Variants in SORCS1 observed in about 807,000 individuals in gnomAD.
SORCS1 encodes VPS10 domain-containing receptor SorCS1.
SORCS1 carries 60 observed loss-of-function variants against 146.1 expected under a neutral mutation model. That is an observed-to-expected ratio of 0.41 (90% CI 0.33 to 0.51). SORCS1 has a LOEUF of 0.51. Ranked by LOEUF, SORCS1 falls within the 20% of genes least tolerant of loss-of-function variation. SORCS1 has a pLI of 0.21. For synonymous variants in SORCS1, 637 were observed against 584.0 expected (o/e 1.09, Z -1.31); for missense variants, 1,352 against 1,487.6 (o/e 0.91, Z 1.50).
At chr10:106,838,209 C>T (rs557030947) in intron 2 of SORCS1, among the ~76,000 whole-genome samples, 22 of 152,146 alleles carry the variant, frequency 1.4e-4, no homozygotes, top group Non-Finnish European at 2.8e-4. Flanking sequence ...TAAAATCAGC[C>T]GTGTGGAAAG....
At chr10:106,800,276 G>A (rs12255296) in intron 3 of SORCS1, among the ~76,000 whole-genome samples, 4,322 of 152,170 alleles carry the variant, frequency 0.028, 77 homozygotes, top group East Asian at 0.053. Flanking sequence ...AAAGTAATTG[G>A]TCATGTCCAT....
chr10:106,869,555 T>C (rs1950333452), intron 2 of SORCS1, among the ~76,000 whole-genome samples: 1 of 152,164 alleles, frequency 6.6e-6, no homozygotes, highest in Non-Finnish European at 1.5e-5. Context: ...AATCAATAAA[T>C]GTGATTCATC....
At chr10:107,047,345 A>G (rs955662031) in intron 1 of SORCS1, among the ~76,000 whole-genome samples, 4 of 152,160 alleles carry the variant, frequency 2.6e-5, no homozygotes, top group Non-Finnish European at 5.9e-5. Flanking sequence ...GTCATTAAAA[A>G]CAAAACTACC....
At chr10:106,894,266 TGTGC>T (rs1358237002) in intron 2 of SORCS1, among the ~76,000 whole-genome samples, 2 of 110,798 alleles carry the variant, frequency 1.8e-5, no homozygotes, top group Non-Finnish European at 3.8e-5. Flanking sequence ...CGCGCGCACG[TGTGC>T]GTGTGTGTGT....
chr10:106,833,957 C>CT (rs1200043292), intron 2 of SORCS1, among the ~76,000 whole-genome samples: 1 of 152,102 alleles, frequency 6.6e-6, no homozygotes, highest in Non-Finnish European at 1.5e-5. Context: ...CCATGCCCAG[C>CT]TAATGTTTTG....
At chr10:106,757,351 C>T (rs184794347) in intron 5 of SORCS1, among the ~76,000 whole-genome samples, 2 of 152,198 alleles carry the variant, frequency 1.3e-5, no homozygotes, top group East Asian at 1.9e-4. Context: ...CCCATACACA[C>T]CCCCAATAGC....
chr10:106,717,046 C>G (rs1036422978), intron 6 of SORCS1, among the ~76,000 whole-genome samples: 1 of 152,092 alleles, frequency 6.6e-6, no homozygotes, highest in Non-Finnish European at 1.5e-5. Context: ...TTAATTTTCC[C>G]TAATATTGTA....
intron 3 of SORCS1, among the ~76,000 whole-genome samples, chr10:106,822,011 G>T (rs1440747121): frequency 2.0e-5 from 3 of 152,080 alleles, no homozygotes; most frequent in Non-Finnish European, 2.9e-5. Flanking sequence ...GCAGATATGG[G>T]GGACAAGAAA....
intron 24 of SORCS1, among the ~76,000 whole-genome samples, chr10:106,582,351 T>C (rs1844972749): frequency 6.6e-6 from 1 of 152,098 alleles, no homozygotes; most frequent in Non-Finnish European, 1.5e-5. Flanking sequence ...CCATTCACCC[T>C]CCCCATCTCT....
intron 3 of SORCS1, among the ~76,000 whole-genome samples, chr10:106,810,006 C>A (rs1410993443): frequency 6.6e-6 from 1 of 152,104 alleles, no homozygotes; most frequent in Non-Finnish European, 1.5e-5. Flanking sequence ...GGATCACCTG[C>A]GGTCAGGGGT....
rs990136518 is a variant in SORCS1 at position 106,599,266 on chromosome 10, C to T, written c.3166-1816G>A. On this transcript the variant is annotated intron_variant, in intron 23 of 25. Transcript: ENST00000263054. ...CCTGTACTCCCAGTTACTTGGGAGG[C>T]TGAGGCCAGAAAAATCACTTGAACC... Among the ~76,000 whole-genome samples the T allele has an allele frequency of 2.0e-5, 3 of 151,732 alleles. No individual in the cohort carries two copies. The East Asian group carries it at 5.8e-4, about 29-fold the overall frequency.
At chr10:106,830,600 T>A (rs1369074602) in intron 2 of SORCS1, among the ~76,000 whole-genome samples, 2 of 146,280 alleles carry the variant, frequency 1.4e-5, no homozygotes, top group African/African-American at 5.2e-5. Flanking sequence ...TTTAAAAAAA[T>A]TTAAAGAATA....
At chr10:106,787,734 T>C (rs576968289) in intron 3 of SORCS1, among the ~76,000 whole-genome samples, 80 of 152,358 alleles carry the variant, frequency 5.3e-4, no homozygotes. Context: ...GTATCTTTTA[T>C]ACAGCTAGTC....
At chr10:106,949,858 A>G (rs1365987912) in intron 2 of SORCS1, among the ~76,000 whole-genome samples, 1 of 152,226 alleles carries the variant, frequency 6.6e-6, no homozygotes. Context: ...GCTTTAAGAG[A>G]GTAGACTTCC....
chr10:106,969,362 C>T (rs553818313), intron 1 of SORCS1, among the ~76,000 whole-genome samples: 11 of 152,126 alleles, frequency 7.2e-5, no homozygotes, highest in Non-Finnish European at 1.6e-4. Flanking sequence ...GTAGGTTATA[C>T]TTTTAGAAGA....
intron 3 of SORCS1, among the ~76,000 whole-genome samples, chr10:106,824,514 G>A (rs528243024): frequency 1.3e-5 from 2 of 151,272 alleles, no homozygotes; most frequent in South Asian, 4.2e-4. Flanking sequence ...TTTTGAACCC[G>A]GGAGGCGGAG....
At position 106,974,482 on chromosome 10, in the gene SORCS1, A is replaced by G. The variant is rs150545442; in HGVS notation, c.559-17902T>C. Among the ~76,000 whole-genome samples, 183 of 152,280 alleles carry G rather than the reference A, an allele frequency of 1.2e-3. 1 individual carries two copies. Among genetic ancestry groups the G allele is most frequent in the African/African-American group, 4.1e-3 (172 of 41,544 alleles). On this transcript the variant is annotated intron_variant, in intron 1 of 25. Transcript: ENST00000263054. ...GAGAGTGAATATGGTGATGTGGTAC[A>G]ACTCAGTGATGGGGAGGATGGCACT...
chr10:107,072,602 CAT>C (rs1428530793), intron 1 of SORCS1, among the ~76,000 whole-genome samples: 1 of 149,290 alleles, frequency 6.7e-6, no homozygotes, highest in African/African-American at 2.6e-5. Flanking sequence ...TATATACATA[CAT>C]ACACATATAT....
chr10:107,123,777 T>C (rs971825891), intron 1 of SORCS1, among the ~76,000 whole-genome samples: 3 of 151,948 alleles, frequency 2.0e-5, no homozygotes, highest in African/African-American at 7.2e-5. Flanking sequence ...GTTACTTCAT[T>C]TGAAAATGGA....
Sources: gnomAD v4.1 joint callset for allele counts (sites outside exome capture counted in the v4.1 genomes callset) on GRCh38, gnomAD v4.1.1 for gene constraint, MANE v1.5 for transcripts, NCBI Gene and HGNC (gene_info 2026-07-23, HGNC 2026-07-21) for gene names.